The following INPP5B variants were observed in gnomAD, a reference collection of about 807,000 sequenced individuals.
The protein encoded by INPP5B is type II inositol 1,4,5-trisphosphate 5-phosphatase.
In INPP5B, 90 loss-of-function variants were observed where a neutral mutation model predicts 118.5. The observed-to-expected ratio is 0.76, with a 90% CI of 0.64 to 0.90. The LOEUF is 0.90. INPP5B is among the 40% of genes least tolerant of loss of function. The pLI, the probability that INPP5B is intolerant of heterozygous loss-of-function variation, is 0.00. For missense variants in INPP5B, 984 were observed against 1,125.6 expected (o/e 0.87, Z 1.80); for synonymous variants, 385 against 418.9 (o/e 0.92, Z 0.99).
At chr1:37,936,600 G>A (rs984670013) in intron 6 of INPP5B, among the ~76,000 whole-genome samples, 4 of 151,866 alleles carry the variant, frequency 2.6e-5, no homozygotes, top group African/African-American at 4.8e-5. Context: ...CAGCCAGGGA[G>A]TCTCAAAAAA....
At chr1:37,891,564 C>T (rs543864160) in intron 7 of INPP5B, 110 bp from the exon 8 acceptor site, 7 of 696,370 alleles carry the variant, frequency 1.0e-5, no homozygotes, top group Admixed American at 6.7e-5. Context: ...CACCTGAGGT[C>T]GGGAGTTCGA....
Position 37,874,163 on chromosome 1 carries a change from G to A in INPP5B, c.1789-8C>T. ...CACATTCTGAAAACAGAACTGGGAA[G>A]AAGCCCGGGGCCAGTGAAAACCAGT... On this transcript the variant is annotated splice_polypyrimidine_tract_variant and splice_region_variant and intron_variant, in intron 17 of 23. Transcript: ENST00000373024. The A allele has an allele frequency of 6.4e-7, 1 of 1,551,644 alleles. No individual in the cohort carries two copies. Among genetic ancestry groups the A allele is most frequent in the Non-Finnish European group, 8.8e-7 (1 of 1,134,924 alleles).
intron 4 of INPP5B, 34 bp from the exon 5 acceptor site, chr1:37,943,703 T>A (rs762889202): frequency 2.0e-5 from 33 of 1,613,672 alleles, no homozygotes; most frequent in Non-Finnish European, 2.7e-5. Context: ...CCCTTAGCAA[T>A]TGAGCTTACT....
At chr1:37,884,469 G>A (rs1433894973) in intron 13 of INPP5B, among the ~76,000 whole-genome samples, 1 of 151,748 alleles carries the variant, frequency 6.6e-6, no homozygotes, top group South Asian at 2.1e-4. Flanking sequence ...TTTTTTCAGA[G>A]ACAGGTTCTT....
intron 5 of INPP5B, among the ~76,000 whole-genome samples, chr1:37,941,053 A>G (rs1410471946): frequency 6.6e-6 from 1 of 152,108 alleles, no homozygotes; most frequent in Non-Finnish European, 1.5e-5. Context: ...GCAGTACTAG[A>G]TGGAACTGGG....
At chr1:37,915,641 T>C (rs1557691656) in intron 7 of INPP5B, among the ~76,000 whole-genome samples, 1 of 152,244 alleles carries the variant, frequency 6.6e-6, no homozygotes, top group South Asian at 2.1e-4. Context: ...TATTCACATA[T>C]GCTGTATTTG....
At chr1:37,872,040 G>A (rs1186831035) in intron 19 of INPP5B, among the ~76,000 whole-genome samples, 4 of 120,480 alleles carry the variant, frequency 3.3e-5, no homozygotes, top group South Asian at 6.2e-4. Flanking sequence ...CTCCAGCCTG[G>A]ACAACAGAGT....
intron 16 of INPP5B, among the ~76,000 whole-genome samples, chr1:37,876,627 A>T (rs912733749): frequency 2.0e-4 from 26 of 127,148 alleles, no homozygotes; most frequent in Admixed American, 4.6e-4. Flanking sequence ...TGGGATGCCG[A>T]GGTGGGCATA....
intron 8 of INPP5B, 65 bp downstream of exon 8, chr1:37,891,293 T>C (rs1406486897): frequency 8.9e-7 from 1 of 1,119,830 alleles, no homozygotes; most frequent in Non-Finnish European, 1.3e-6. Context: ...ATACCCAAAA[T>C]GGTCTCAGTA....
chr1:37,886,257 T>C (rs1643529911), intron 12 of INPP5B, among the ~76,000 whole-genome samples: 1 of 138,716 alleles, frequency 7.2e-6, no homozygotes, highest in Non-Finnish European at 1.6e-5. Flanking sequence ...TGTGGTATTA[T>C]CTATATTGTA....
chr1:37,944,375 A>G (rs1221225227), intron 3 of INPP5B, among the ~76,000 whole-genome samples: 1 of 152,102 alleles, frequency 6.6e-6, no homozygotes, highest in Non-Finnish European at 1.5e-5. Context: ...TGTGGGTGTT[A>G]CTAGACAACA....
At chr1:37,883,560 C>CCAA in intron 13 of INPP5B, 1 of 985,396 alleles carries the variant, frequency 1.0e-6, no homozygotes, top group Non-Finnish European at 1.2e-6. Flanking sequence ...GTATCTGAAG[C>CCAA]CAACAACCAT....
Position 37,944,730 on chromosome 1 carries a change from C to T in INPP5B, c.153-837G>A, listed in dbSNP as rs1646055592. On this transcript the variant is annotated intron_variant, in intron 3 of 23. Coordinates refer to ENST00000373024, the MANE Select transcript of INPP5B (RefSeq NM_005540.3). Reference sequence around the variant, plus strand: ...CTGAGTAGCTGAGACTACAGGCATGCACCACAACACCCAGCTAATTTTCTT... The same window carrying T: ...CTGAGTAGCTGAGACTACAGGCATGTACCACAACACCCAGCTAATTTTCTT... 2.0e-5 allele frequency among the ~76,000 whole-genome samples: 3 copies of T among 151,634 alleles called. No individual in the cohort carries two copies. In the South Asian group the frequency reaches 6.3e-4, roughly 32 times the overall value.
At chr1:37,939,130 G>A (rs1645812162) in intron 6 of INPP5B, among the ~76,000 whole-genome samples, 1 of 149,916 alleles carries the variant, frequency 6.7e-6, no homozygotes, top group South Asian at 2.1e-4. Context: ...GGAGGCGGAG[G>A]TTGCAGCGAG....
intron 12 of INPP5B, among the ~76,000 whole-genome samples, chr1:37,886,102 G>A (rs1228690183): frequency 6.6e-6 from 1 of 151,902 alleles, no homozygotes; most frequent in Non-Finnish European, 1.5e-5. Flanking sequence ...GGTTGAACGC[G>A]GGAGGGAGAG....
chr1:37,929,108 G>A (rs1453443992), intron 7 of INPP5B: 1 of 151,944 alleles, frequency 6.6e-6, no homozygotes, highest in East Asian at 1.9e-4. Context: ...TAGGTATTAC[G>A]ATAAGATAAA....
intron 7 of INPP5B, among the ~76,000 whole-genome samples, chr1:37,896,577 CGCTCCGTCCGGG>C (rs1644087514): frequency 2.0e-5 from 3 of 146,586 alleles, no homozygotes; most frequent in Non-Finnish European, 3.0e-5. Context: ...CCCGGCCAGC[CGCTCCGTCCGGG>C]AAGGAGGTGG....
chr1:37,896,957 CAG>C (rs1644125106), intron 7 of INPP5B, among the ~76,000 whole-genome samples: 1 of 121,168 alleles, frequency 8.3e-6, no homozygotes, highest in Non-Finnish European at 1.9e-5. Context: ...TCTGCCCGGC[CAG>C]CCGCCCCGTC....
chr1:37,911,705 T>C (rs965164614), intron 7 of INPP5B, among the ~76,000 whole-genome samples: 5 of 152,196 alleles, frequency 3.3e-5, no homozygotes, highest in African/African-American at 9.6e-5. Context: ...CATGCTGTTA[T>C]ATGGGCAGAA....
Sources: gnomAD v4.1 joint callset for allele counts (sites outside exome capture counted in the v4.1 genomes callset) on GRCh38, gnomAD v4.1.1 for gene constraint, MANE v1.5 for transcripts, NCBI Gene and HGNC (gene_info 2026-07-23, HGNC 2026-07-21) for gene names.